Variants in GCDH observed in about 807,000 individuals in gnomAD.
GCDH encodes glutaryl-CoA dehydrogenase, also known as glutaryl-CoA dehydrogenase, mitochondrial.
In GCDH, 31 loss-of-function variants were observed where a neutral mutation model predicts 52.8. The ratio of observed to expected loss-of-function variants is 0.59; its 90% CI spans 0.44 to 0.79. GCDH has a LOEUF of 0.79. GCDH is among the 30% of genes least tolerant of loss of function. The pLI is 0.00. For missense variants in GCDH, 509 were observed against 595.0 expected (o/e 0.86, Z 1.50); for synonymous variants, 242 against 250.0 (o/e 0.97, Z 0.30).
chr19:12,892,103 G>A lies in GCDH; in HGVS notation c.272-13G>A. 1 of 1,614,100 alleles carries A rather than the reference G, an allele frequency of 6.2e-7. No homozygotes were observed. The highest frequency in any genetic ancestry group is 8.5e-7 in the Non-Finnish European group (1 of 1,179,958). On this transcript the variant is annotated splice_polypyrimidine_tract_variant and intron_variant, in intron 4 of 11. Coordinates refer to ENST00000222214, the MANE Select transcript of GCDH (RefSeq NM_000159.4). ...AGGCCTGGGCCTGAATTTGGGCACTGGTCCCTTTGCAGTTTTTCATCGGGA... is the reference window on the plus strand; with the variant it reads ...AGGCCTGGGCCTGAATTTGGGCACTAGTCCCTTTGCAGTTTTTCATCGGGA...
chr19:12,893,431 T>C (rs368110347), intron 5 of GCDH, 52 bp from the exon 6 acceptor site: 118 of 1,505,842 alleles, frequency 7.8e-5, no homozygotes, highest in Non-Finnish European at 1.0e-4. Flanking sequence ...GGGTCTTAGC[T>C]GGGCAGGGCC....
intron 6 of GCDH, among the ~76,000 whole-genome samples, chr19:12,895,553 G>A (rs1285069956): frequency 1.3e-5 from 2 of 151,080 alleles, no homozygotes; most frequent in Admixed American, 6.6e-5. Context: ...GAGCCACCTC[G>A]ACTGGCCTAA....
Position 12,899,617 on chromosome 19 carries a change from C to T in GCDH, c.*76C>T, listed in dbSNP as rs1034254497. On this transcript the variant is annotated 3_prime_UTR_variant, in exon 12 of 12. Transcript: ENST00000222214. Reference sequence around the variant, plus strand: ...CTGGCTGGACCGTAGGAGCGCTGTGCTCTGAGCTTAGAAAGGGAGGTGGCG... The same window carrying T: ...CTGGCTGGACCGTAGGAGCGCTGTGTTCTGAGCTTAGAAAGGGAGGTGGCG... 4 of 1,613,068 alleles carry T rather than the reference C, an allele frequency of 2.5e-6. No individual in the cohort carries two copies. The highest frequency in any genetic ancestry group is 1.7e-4 in the Middle Eastern group (1 of 6,048).
chr19:12,897,545 G>C, intron 10 of GCDH, 117 bp downstream of exon 10: 2 of 1,435,920 alleles, frequency 1.4e-6, no homozygotes, highest in Middle Eastern at 1.8e-4. Context: ...ACCTTCTGCT[G>C]TCCCTCTTGT....
rs143172809 is a variant in GCDH at position 12,896,113 on chromosome 19, C to T, written c.627C>T (p.Thr209=). ...SSNKSYTLNG[T]KTWITNSPMA... is the part of the protein sequence containing the mutation. ...ACAAGAGCTACACCCTCAATGGGACCAAGACCTGGTAAGGGTTCTGGGTGG... is the reference window on the plus strand; with the variant it reads ...ACAAGAGCTACACCCTCAATGGGACTAAGACCTGGTAAGGGTTCTGGGTGG... Residue 209 remains threonine (T), a synonymous_variant, in exon 7 of 12, where the codon ACC becomes ACT. Coordinates refer to ENST00000222214, the MANE Select transcript of GCDH (RefSeq NM_000159.4). This position sits in a 1 kb window ranked among gnomAD's most constrained non-coding sequence, Gnocchi z 5.5. 1.2e-4 allele frequency: 188 copies of T among 1,613,952 alleles called. No homozygotes were observed. The highest frequency in any genetic ancestry group is 9.0e-5 in the Non-Finnish European group (106 of 1,180,028).
At position 12,899,884 on chromosome 19, in the gene GCDH, C is replaced by T. The variant is rs1490109497; in HGVS notation, c.*343C>T. The T allele has an allele frequency of 1.9e-6, 3 of 1,584,914 alleles. No homozygotes were observed. The highest frequency in any genetic ancestry group is 2.6e-6 in the Non-Finnish European group (3 of 1,158,226). ...CCTCACACTGAGTTCACAGTGCGCC[C>T]TCCCTCCCTCCCATCTGGGGGTAGT... On this transcript the variant is annotated 3_prime_UTR_variant, in exon 12 of 12. Transcript: ENST00000222214.
chr19:12,893,857 C>G (rs1599610869), intron 6 of GCDH: 1 of 641,562 alleles, frequency 1.6e-6, no homozygotes, highest in East Asian at 2.8e-5. Flanking sequence ...CCACCGTCAT[C>G]TCCCTATGCT....
intron 11 of GCDH, 135 bp downstream of exon 11, chr19:12,897,998 C>T: frequency 2.7e-6 from 2 of 737,860 alleles, no homozygotes; most frequent in Middle Eastern, 3.5e-4. Context: ...CGAGCCTTAC[C>T]CCTCTGTCCC....
chr19:12,892,404 G>A, intron 5 of GCDH: 1 of 601,572 alleles, frequency 1.7e-6, no homozygotes, highest in Non-Finnish European at 3.0e-6. Flanking sequence ...CGATTCTCCT[G>A]CCTCCACCCC....
rs778329051 is a variant in GCDH at position 12,891,187 on chromosome 19, C to T, written c.-50C>T. ...TTGCACTGTAGCCTCGGCAGTGAAC[C>T]GGGAGGTACTACCAGGTAAGGAAGG... is the stretch of plus-strand genomic sequence containing the variant. On this transcript the variant is annotated 5_prime_UTR_variant, in exon 1 of 12. Coordinates refer to ENST00000222214, the MANE Select transcript of GCDH (RefSeq NM_000159.4). The T allele has an allele frequency of 4.1e-5, 31 of 764,864 alleles. No individual in the cohort carries two copies. The highest frequency in any genetic ancestry group is 6.3e-5 in the Non-Finnish European group (28 of 444,356). The allele number at this position is 764,864 out of a possible 1,614,324, so 47.4% of individuals were successfully genotyped here.
upstream of GCDH, chr19:12,891,146 C>T: frequency 1.5e-6 from 1 of 662,116 alleles, no homozygotes; most frequent in East Asian, 2.7e-5. Context: ...TTGCTGAGGT[C>T]AAAGGCCTGC....
Position 12,891,216 on chromosome 19 carries a change from G to A in GCDH, c.-35+14G>A. On this transcript the variant is annotated intron_variant, in intron 1 of 11. Transcript: ENST00000222214. ...AGGTACTACCAGGTAAGGAAGGTGC[G>A]GTAGCCCCAGCCGTGGGTGAGAGGA... The A allele has an allele frequency of 2.0e-6, 2 of 1,012,032 alleles. No homozygotes were observed. The highest frequency in any genetic ancestry group is 1.9e-5 in the Admixed American group (1 of 51,520). The allele number at this position is 1,012,032 out of a possible 1,614,324, so 62.7% of individuals were successfully genotyped here.
At chr19:12,893,705 G>A (rs1970612301) in intron 6 of GCDH, 52 bp downstream of exon 6, 2 of 1,501,448 alleles carry the variant, frequency 1.3e-6, no homozygotes, top group East Asian at 2.3e-5. Context: ...TCTGAGGTCT[G>A]GAACTCAAGG....
rs1386481937 is a variant in GCDH at position 12,899,781 on chromosome 19, A to C, written c.*240A>C. 6.3e-7 allele frequency: 1 copy of C among 1,599,060 alleles called. No individual in the cohort carries two copies. The highest frequency in any genetic ancestry group is 2.2e-5 in the East Asian group (1 of 44,798). ...CACTTTTAACCATGGATGAGAGCAG[A>C]CTCCATTTACCCTGAAATAGCAGCT... On this transcript the variant is annotated 3_prime_UTR_variant, in exon 12 of 12. Coordinates refer to ENST00000222214, the MANE Select transcript of GCDH (RefSeq NM_000159.4).
chr19:12,896,134 G>A lies in GCDH; in HGVS notation c.635+13G>A. On this transcript the variant is annotated intron_variant, in intron 7 of 11. Coordinates refer to ENST00000222214, the MANE Select transcript of GCDH (RefSeq NM_000159.4). The surrounding 1 kb of genome is among the most constrained non-coding windows in gnomAD (Gnocchi z 5.5). ...GGACCAAGACCTGGTAAGGGTTCTG[G>A]GTGGTGGGCAGGTGGTGAACAGGGG... 1 of 1,614,164 alleles carries A rather than the reference G, an allele frequency of 6.2e-7. No homozygotes were observed. The highest frequency in any genetic ancestry group is 8.5e-7 in the Non-Finnish European group (1 of 1,180,030).
At chr19:12,895,728 C>CA (rs1272862488) in intron 6 of GCDH, among the ~76,000 whole-genome samples, 1 of 151,238 alleles carries the variant, frequency 6.6e-6, no homozygotes, top group Non-Finnish European at 1.5e-5. Flanking sequence ...TCTCCTGCCT[C>CA]AGTCTCCTGA....
chr19:12,899,545 G>A lies in GCDH; in HGVS notation c.*4G>A, dbSNP rs774498014. 23 of 1,613,970 alleles carry A rather than the reference G, an allele frequency of 1.4e-5. No individual in the cohort carries two copies. The African/African-American group carries it at 2.0e-4, about 14-fold the overall frequency. On this transcript the variant is annotated 3_prime_UTR_variant, in exon 12 of 12. Transcript: ENST00000222214. ...GGCGTTCACGGCCAGCAAGTGAGCC[G>A]CTCCATCAGGGGCCCGAAACTCTCA... is the stretch of plus-strand genomic sequence containing the variant.
chr19:12,897,072 C>G, intron 9 of GCDH, 59 bp downstream of exon 9: 1 of 1,399,828 alleles, frequency 7.1e-7, no homozygotes. Context: ...GTTTCACTCT[C>G]TATACCATGG....
chr19:12,898,058 A>G (rs1970730281), intron 11 of GCDH, 195 bp downstream of exon 11: 2 of 613,682 alleles, frequency 3.3e-6, no homozygotes, highest in Non-Finnish European at 5.9e-6. Flanking sequence ...TGCTTCATGC[A>G]GCACACAGAG....
Sources: allele counts gnomAD v4.1 joint callset (sites outside exome capture counted in the v4.1 genomes callset), GRCh38; gene constraint gnomAD v4.1.1; non-coding constraint Gnocchi (gnomAD v3.1); transcripts MANE v1.5; gene names NCBI Gene and HGNC (gene_info 2026-07-23, HGNC 2026-07-21).